The following DCLK1 variants were observed in gnomAD, a reference collection of about 807,000 sequenced individuals.
DCLK1 encodes serine/threonine-protein kinase DCLK1.
In DCLK1, 16 loss-of-function variants were observed where a neutral mutation model predicts 86.2. That is an observed-to-expected ratio of 0.19 (90% confidence interval 0.13 to 0.28). The LOEUF (loss-of-function observed/expected upper bound fraction) is 0.28. Ranked by LOEUF, DCLK1 falls within the 10% of genes least tolerant of loss-of-function variation. The pLI is 1.00. For synonymous variants in DCLK1, 369 were observed against 370.5 expected (o/e 1.00, Z 0.05); for missense variants, 590 against 940.2 (o/e 0.63, Z 4.87).
chr13:35,914,331 AAATATATATATATATATACATATATAT>A (rs1231209682), intron 4 of DCLK1, among the ~76,000 whole-genome samples: 5 of 12,654 alleles, frequency 4.0e-4, no homozygotes, highest in African/African-American at 9.8e-4. Flanking sequence ...GAAAAAAAAA[AAATATATATATATATATACATATATAT>A]ATATATATAT....
intron 3 of DCLK1, among the ~76,000 whole-genome samples, chr13:35,953,032 G>A (rs550469122): frequency 1.3e-5 from 2 of 152,256 alleles, no homozygotes; most frequent in South Asian, 4.1e-4. Context: ...CTTTATCACA[G>A]TAATTATATG....
At chr13:35,921,122 T>C (rs573108759) in intron 4 of DCLK1, among the ~76,000 whole-genome samples, 1 of 152,298 alleles carries the variant, frequency 6.6e-6, no homozygotes, top group South Asian at 2.1e-4. Context: ...AAAATGCAAG[T>C]CAGATCACGT....
chr13:35,865,558 T>C (rs1392826126), intron 5 of DCLK1, among the ~76,000 whole-genome samples: 1 of 152,222 alleles, frequency 6.6e-6, no homozygotes, highest in African/African-American at 2.4e-5. Context: ...AGACTAATCA[T>C]AATTCAACAG....
intron 11 of DCLK1, among the ~76,000 whole-genome samples, chr13:35,812,228 G>A (rs1018575975): frequency 4.6e-5 from 7 of 152,140 alleles, no homozygotes; most frequent in Non-Finnish European, 8.8e-5. Flanking sequence ...ATGAAAGGGC[G>A]TTCAGAATCC....
chr13:36,052,394 A>G (rs1883154807), intron 3 of DCLK1, among the ~76,000 whole-genome samples: 3 of 152,170 alleles, frequency 2.0e-5, no homozygotes, highest in African/African-American at 7.2e-5. Context: ...ATATCATGTG[A>G]GAAAGAAAGG....
chr13:35,926,657 C>A (rs930728479), intron 4 of DCLK1, among the ~76,000 whole-genome samples: 2 of 152,194 alleles, frequency 1.3e-5, no homozygotes, highest in Non-Finnish European at 2.9e-5. Flanking sequence ...TTTCTTAGAA[C>A]TGAAAAATAA....
intron 6 of DCLK1, among the ~76,000 whole-genome samples, chr13:35,841,460 G>A (rs983044211): frequency 1.3e-5 from 2 of 151,874 alleles, no homozygotes; most frequent in African/African-American, 4.8e-5. Flanking sequence ...TTGTCACAAT[G>A]CCAGCTGGGT....
chr13:35,775,112 T>C (rs575531415), intron 16 of DCLK1, among the ~76,000 whole-genome samples: 1 of 152,330 alleles, frequency 6.6e-6, no homozygotes, highest in East Asian at 1.9e-4. Context: ...TCAGGGTAGC[T>C]GCATAATACA....
chr13:35,834,789 C>G (rs1869234920), intron 8 of DCLK1, among the ~76,000 whole-genome samples: 1 of 152,166 alleles, frequency 6.6e-6, no homozygotes, highest in African/African-American at 2.4e-5. Context: ...TCGTGCCCCT[C>G]CTGGATGCAC....
At chr13:35,892,017 A>G (rs1216800855) in intron 4 of DCLK1, among the ~76,000 whole-genome samples, 1 of 152,118 alleles carries the variant, frequency 6.6e-6, no homozygotes, top group Non-Finnish European at 1.5e-5. Context: ...ATTTTAGCAT[A>G]TGGTAAATAG....
Position 36,111,965 on chromosome 13 carries a change from C to T in DCLK1, c.627G>A (p.Thr209=), listed in dbSNP as rs770703942. The change falls in exon 3 of 17, where the codon ACG becomes ACA. Residue 209 remains threonine (T), a synonymous_variant. Transcript: ENST00000360631. ...TGAGGACCTGCTCAAAGGAATGAGCCGTTTTCTTGTTCAGCAGAATCCTGA... is the reference window on the plus strand; with the variant it reads ...TGAGGACCTGCTCAAAGGAATGAGCTGTTTTCTTGTTCAGCAGAATCCTGA... ...KAVRILLNKK[T]AHSFEQVLTD... 1 of 1,614,210 alleles carries T rather than the reference C, an allele frequency of 6.2e-7. No individual in the cohort carries two copies. The highest frequency in any genetic ancestry group is 8.5e-7 in the Non-Finnish European group (1 of 1,180,030).
At chr13:36,120,581 C>G (rs1280634652) in intron 2 of DCLK1, among the ~76,000 whole-genome samples, 1 of 152,046 alleles carries the variant, frequency 6.6e-6, no homozygotes, top group African/African-American at 2.4e-5. Context: ...TTTCTCAGAA[C>G]ATATCCACAC....
Position 36,104,049 on chromosome 13 carries a change from T to C in DCLK1, c.723+7820A>G, listed in dbSNP as rs527360750. Among the ~76,000 whole-genome samples, 96 of 152,368 alleles carry C rather than the reference T, an allele frequency of 6.3e-4. 1 individual carries two copies. Among genetic ancestry groups the C allele is most frequent in the African/African-American group, 2.2e-3 (90 of 41,588 alleles). On this transcript the variant is annotated intron_variant, in intron 3 of 16. Coordinates refer to ENST00000360631, the MANE Select transcript of DCLK1 (RefSeq NM_001330071.2). ...GCAGATGCGTTCTTTTTATTTTCTA[T>C]ACTAGAGTCTTTCATGAAGAAGCCC...
intron 3 of DCLK1, among the ~76,000 whole-genome samples, chr13:36,048,500 A>C (rs374160740): frequency 2.8e-4 from 43 of 152,188 alleles, no homozygotes; most frequent in African/African-American, 1.0e-3. Context: ...ATTATAAAGA[A>C]TGTATATTCT....
At chr13:36,100,200 A>C (rs1462964762) in intron 3 of DCLK1, among the ~76,000 whole-genome samples, 11 of 131,172 alleles carry the variant, frequency 8.4e-5, no homozygotes, top group African/African-American at 1.6e-4. Context: ...AAAAAAAAAA[A>C]AAAAAAAAAA....
intron 3 of DCLK1, among the ~76,000 whole-genome samples, chr13:36,096,207 A>C (rs575569824): frequency 6.6e-6 from 1 of 152,350 alleles, no homozygotes; most frequent in African/African-American, 2.4e-5. Context: ...TAACCTCAGA[A>C]CTATGCCTAG....
chr13:36,123,653 A>C (rs1404586782), intron 2 of DCLK1, among the ~76,000 whole-genome samples: 1 of 152,242 alleles, frequency 6.6e-6, no homozygotes, highest in Non-Finnish European at 1.5e-5. Flanking sequence ...CAGATCATTT[A>C]ACCACACTGT....
intron 5 of DCLK1, among the ~76,000 whole-genome samples, chr13:35,862,938 A>G (rs1871509071): frequency 6.6e-6 from 1 of 152,224 alleles, no homozygotes; most frequent in Non-Finnish European, 1.5e-5. Flanking sequence ...GTTTTGGTCA[A>G]CAAGGGACCA....
chr13:35,794,265 T>C (rs534665284), intron 15 of DCLK1, among the ~76,000 whole-genome samples: 175 of 152,352 alleles, frequency 1.1e-3, no homozygotes, highest in African/African-American at 4.0e-3. Flanking sequence ...TTTTGCTCAC[T>C]ATAGAATCTC....
Sources: allele counts gnomAD v4.1 joint callset (sites outside exome capture counted in the v4.1 genomes callset), GRCh38; gene constraint gnomAD v4.1.1; transcripts MANE v1.5; gene names NCBI Gene and HGNC (gene_info 2026-07-23, HGNC 2026-07-21).